PDE4D: variants seen among roughly 807,000 people sequenced by gnomAD.
PDE4D encodes 3',5'-cyclic-AMP phosphodiesterase 4D.
In PDE4D, 24 loss-of-function variants were observed where a neutral mutation model predicts 87.4. That is an observed-to-expected ratio of 0.27 (90% CI 0.20 to 0.39). The LOEUF is 0.39. PDE4D is among the 10% of genes least tolerant of loss of function. The pLI, the probability that PDE4D is intolerant of heterozygous loss-of-function variation, is 1.00. For missense variants in PDE4D, 714 were observed against 1,041.0 expected (o/e 0.69, Z 4.32); for synonymous variants, 384 against 383.2 (o/e 1.00, Z -0.02).
intron 5 of PDE4D, among the ~76,000 whole-genome samples, chr5:59,097,358 T>TA (rs1430141800): frequency 4.6e-5 from 7 of 152,196 alleles, no homozygotes; most frequent in African/African-American, 1.7e-4. Context: ...TCCAGAGAAG[T>TA]ACAATACGAA....
At position 58,970,249 on chromosome 5, in the gene PDE4D, ACAACT is replaced by A. The variant is rs1437239789; in HGVS notation, c.*4410_*4414del. On this transcript the variant is annotated 3_prime_UTR_variant, in exon 15 of 15. Transcript: ENST00000340635. Reference sequence around the variant, plus strand: ...TGAAAATATATCCAAAGAAATAAAAACAACTCAAATCAGTTAAGGATGTTTTTGTA... The same window carrying A: ...TGAAAATATATCCAAAGAAATAAAAACAAATCAGTTAAGGATGTTTTTGTA... The A allele has an allele frequency of 3.9e-5, 6 of 152,228 alleles. No homozygotes were observed. Among genetic ancestry groups the A allele is most frequent in the South Asian group, 4.1e-4 (2 of 4,830 alleles). The allele number at this position is 152,228 out of a possible 1,614,324, so 9.4% of individuals were successfully genotyped here.
chr5:59,662,151 G>A (rs1479575869), intron 1 of PDE4D, among the ~76,000 whole-genome samples: 1 of 152,158 alleles, frequency 6.6e-6, no homozygotes, highest in African/African-American at 2.4e-5. Flanking sequence ...CCAACCAGCT[G>A]TACTCTGGGC....
intron 1 of PDE4D, among the ~76,000 whole-genome samples, chr5:59,688,977 G>A (rs1750412014): frequency 6.6e-6 from 1 of 152,096 alleles, no homozygotes; most frequent in Non-Finnish European, 1.5e-5. Context: ...TAGAAGAAAT[G>A]GATGAATTCC....
chr5:60,395,501 G>C (rs1762830495), intron 1 of PDE4D, among the ~76,000 whole-genome samples: 1 of 152,022 alleles, frequency 6.6e-6, no homozygotes, highest in Non-Finnish European at 1.5e-5. Flanking sequence ...CTTTGGAAGG[G>C]AAGTGTAATC....
chr5:60,209,201 T>TC (rs1253533101), intron 1 of PDE4D, among the ~76,000 whole-genome samples: 1 of 148,984 alleles, frequency 6.7e-6, no homozygotes, highest in African/African-American at 2.5e-5. Flanking sequence ...TTTTTTTTTT[T>TC]TTTTTTTTAG....
chr5:59,262,362 C>CAGGT (rs1243439632), intron 1 of PDE4D, among the ~76,000 whole-genome samples: 1 of 151,918 alleles, frequency 6.6e-6, no homozygotes, highest in Non-Finnish European at 1.5e-5. Context: ...ACTAAATGAT[C>CAGGT]AGGTAGCTAG....
intron 1 of PDE4D, among the ~76,000 whole-genome samples, chr5:59,667,203 T>C (rs145486791): frequency 6.6e-6 from 1 of 152,324 alleles, no homozygotes; most frequent in East Asian, 1.9e-4. Context: ...GAATTTTCAC[T>C]AGGCTTACCC....
chr5:58,988,464 T>C, intron 11 of PDE4D, 29 bp downstream of exon 11: 1 of 941,526 alleles, frequency 1.1e-6, no homozygotes, highest in Non-Finnish European at 1.5e-6. Context: ...AAGGGAAAAA[T>C]GTGTTCTGAA....
intron 3 of PDE4D, among the ~76,000 whole-genome samples, chr5:59,909,838 T>G (rs567411448): frequency 6.6e-6 from 1 of 152,324 alleles, no homozygotes; most frequent in Admixed American, 6.5e-5. Context: ...TTCCCCATTA[T>G]TCTCAGGATA....
At chr5:59,101,873 C>T (rs763176175) in intron 5 of PDE4D, among the ~76,000 whole-genome samples, 2 of 151,912 alleles carry the variant, frequency 1.3e-5, no homozygotes, top group Non-Finnish European at 1.5e-5. Context: ...GGACACAGTA[C>T]CAGTAGTGTC....
chr5:59,794,328 T>C (rs1435025996), intron 1 of PDE4D, among the ~76,000 whole-genome samples: 1 of 152,178 alleles, frequency 6.6e-6, no homozygotes, highest in Non-Finnish European at 1.5e-5. Context: ...CAAAACTTTG[T>C]AGGTAGAAAT....
At chr5:59,442,635 T>G (rs1425189261) in intron 1 of PDE4D, among the ~76,000 whole-genome samples, 5 of 152,214 alleles carry the variant, frequency 3.3e-5, no homozygotes, top group Non-Finnish European at 7.3e-5. Flanking sequence ...TAATGATGCC[T>G]ATTACATTCT....
At chr5:59,359,950 A>G (rs970663215) in intron 1 of PDE4D, among the ~76,000 whole-genome samples, 2 of 152,134 alleles carry the variant, frequency 1.3e-5, no homozygotes, top group African/African-American at 2.4e-5. Flanking sequence ...TAACCCCACT[A>G]AAGTATCAGC....
At chr5:59,668,827 A>AGAAGAAGAAGAAGAG (rs1746576895) in intron 1 of PDE4D, among the ~76,000 whole-genome samples, 9 of 76,902 alleles carry the variant, frequency 1.2e-4, no homozygotes, top group African/African-American at 4.1e-4. Context: ...AAGAAGAAGA[A>AGAAGAAGAAGAAGAG]GAAGAGGAAG....
intron 2 of PDE4D, among the ~76,000 whole-genome samples, chr5:59,194,737 G>A (rs1745076519): frequency 6.6e-6 from 1 of 152,172 alleles, no homozygotes; most frequent in African/African-American, 2.4e-5. Context: ...CTCTAAGAAG[G>A]TAGGACATTG....
At chr5:60,204,563 C>T (rs143342848) in intron 1 of PDE4D, among the ~76,000 whole-genome samples, 2 of 152,288 alleles carry the variant, frequency 1.3e-5, no homozygotes, top group East Asian at 1.9e-4. Context: ...TGGCATTTCC[C>T]GCATTCTACA....
Position 59,847,296 on chromosome 5 carries a change from G to A in PDE4D, c.455+45872C>T, listed in dbSNP as rs866793317. On this transcript the variant is annotated intron_variant, in intron 1 of 14. Coordinates refer to ENST00000340635, the MANE Select transcript of PDE4D (RefSeq NM_001104631.2). ...TTGTATCTCACACCTAATCACCCAT[G>A]AACCTGCGGAGTAGGTCAACTCAAG... Among the ~76,000 whole-genome samples, 3 of 152,018 alleles carry A rather than the reference G, an allele frequency of 2.0e-5. No homozygotes were observed. In the South Asian group the frequency reaches 6.2e-4, roughly 31 times the overall value.
At chr5:60,510,095 A>G (rs1007963266) in intron 1 of PDE4D, among the ~76,000 whole-genome samples, 2 of 152,218 alleles carry the variant, frequency 1.3e-5, no homozygotes, top group African/African-American at 4.8e-5. Flanking sequence ...AAGACAACGT[A>G]TAGGGAAGGT....
At chr5:59,589,315 T>C (rs755595333) in intron 1 of PDE4D, among the ~76,000 whole-genome samples, 4 of 152,198 alleles carry the variant, frequency 2.6e-5, no homozygotes, top group Non-Finnish European at 5.9e-5. Context: ...ATCACAGAAT[T>C]ATGCTGAGGA....
Sources: allele counts gnomAD v4.1 joint callset (sites outside exome capture counted in the v4.1 genomes callset), GRCh38; gene constraint gnomAD v4.1.1; transcripts MANE v1.5; gene names NCBI Gene and HGNC (gene_info 2026-07-23, HGNC 2026-07-21).